Variants in SMC1B observed in about 807,000 individuals in gnomAD.
SMC1B encodes structural maintenance of chromosomes protein 1B.
SMC1B carries 60 observed loss-of-function variants against 157.9 expected under a neutral mutation model. The ratio of observed to expected loss-of-function variants is 0.38; its 90% CI spans 0.31 to 0.47. The LOEUF is 0.47. Among genes scored for constraint, SMC1B ranks in the 20% least tolerant of loss-of-function variants. The pLI is 0.99. For synonymous variants in SMC1B, 445 were observed against 483.0 expected (o/e 0.92, Z 1.03); for missense variants, 1,165 against 1,426.2 (o/e 0.82, Z 2.95).
chr22:45,389,970 G>T, intron 9 of SMC1B, 73 bp from the exon 10 acceptor site: 1 of 1,276,692 alleles, frequency 7.8e-7, no homozygotes, highest in Non-Finnish European at 1.1e-6. Flanking sequence ...ATTTTCTAAT[G>T]TAACAAAGTA....
chr22:45,413,470 G>T lies in SMC1B; in HGVS notation c.98C>A (p.Pro33His). The T allele has an allele frequency of 1.2e-6, 2 of 1,608,236 alleles. No homozygotes were observed. Among genetic ancestry groups the T allele is most frequent in the Non-Finnish European group, 1.7e-6 (2 of 1,177,426 alleles). Residue 33 changes from proline to histidine, a missense_variant, in exon 1 of 25, where the codon CCC becomes CAC. By Grantham distance (77) the Pro-to-His change is moderately conservative. Transcript: ENST00000357450. ...AGCTGCTCAGTTACCAGAGCCGTTG[G>T]GGCCGATGATGCAGGTGAACCTCCG... ...PFRRFTCIIGPNGSGKSNVMD... is the reference protein window; with the variant it reads ...PFRRFTCIIGHNGSGKSNVMD...
intron 5 of SMC1B, among the ~76,000 whole-genome samples, chr22:45,400,315 A>G (rs2087177911): frequency 6.6e-6 from 1 of 152,118 alleles, no homozygotes; most frequent in South Asian, 2.1e-4. Context: ...AGTAGAAGAT[A>G]CTTATCTTCT....
At chr22:45,390,907 T>A (rs1213988931) in intron 9 of SMC1B, among the ~76,000 whole-genome samples, 1 of 152,176 alleles carries the variant, frequency 6.6e-6, no homozygotes, top group Non-Finnish European at 1.5e-5. Context: ...GTTTGTTAGG[T>A]TCTACTTCAA....
chr22:45,353,371 C>G (rs927881047), intron 21 of SMC1B, among the ~76,000 whole-genome samples: 4 of 151,328 alleles, frequency 2.6e-5, no homozygotes, highest in African/African-American at 9.7e-5. Flanking sequence ...AATATCTGAT[C>G]CAGGATCACC....
intron 6 of SMC1B, 89 bp downstream of exon 6, chr22:45,399,006 T>C (rs1602091768): frequency 1.6e-6 from 2 of 1,280,450 alleles, no homozygotes; most frequent in Admixed American, 2.2e-5. Flanking sequence ...TCTTAAAATA[T>C]CAGAGAGGTC....
chr22:45,354,975 A>C lies in SMC1B; in HGVS notation c.3102T>G (p.Phe1034Leu), dbSNP rs764745394. The change falls in exon 20 of 25, where the codon TTT (phenylalanine) becomes TTG (leucine). Residue 1034 changes from phenylalanine (F) to leucine (L), a missense_variant. Coordinates refer to ENST00000357450, the MANE Select transcript of SMC1B (RefSeq NM_148674.5). ...LENLKTVRDK[F>L]QESTDAFEAS... ...CAATTTTACCATCTGTGGACTCTTG[A>C]AACTTGTCTCTGACAGTCTTTAAGT... 1 of 1,614,076 alleles carries C rather than the reference A, an allele frequency of 6.2e-7. No homozygotes were observed. The highest frequency in any genetic ancestry group is 1.3e-5 in the African/African-American group (1 of 74,928).
At chr22:45,408,460 A>T (rs1355654330) in intron 2 of SMC1B, among the ~76,000 whole-genome samples, 2 of 152,216 alleles carry the variant, frequency 1.3e-5, no homozygotes, top group African/African-American at 4.8e-5. Flanking sequence ...TCCAGATTTT[A>T]AAATGTTATT....
intron 8 of SMC1B, 107 bp downstream of exon 8, chr22:45,394,578 G>C: frequency 7.9e-7 from 1 of 1,259,068 alleles, no homozygotes; most frequent in South Asian, 2.1e-5. Context: ...TGAGGCTACC[G>C]TAAGCCATGA....
At chr22:45,393,026 G>C (rs1411159026) in intron 9 of SMC1B, among the ~76,000 whole-genome samples, 1 of 151,988 alleles carries the variant, frequency 6.6e-6, no homozygotes, top group East Asian at 1.9e-4. Flanking sequence ...CAGAGCAGTG[G>C]TTACCAGTCT....
At chr22:45,360,764 G>GA (rs1295579592) in intron 17 of SMC1B, among the ~76,000 whole-genome samples, 1 of 152,194 alleles carries the variant, frequency 6.6e-6, no homozygotes, top group Non-Finnish European at 1.5e-5. Context: ...GCTGTATCTT[G>GA]AAACACCGAA....
intron 15 of SMC1B, 74 bp downstream of exon 15, chr22:45,369,880 T>A: frequency 1.1e-6 from 1 of 887,826 alleles, no homozygotes; most frequent in African/African-American, 1.7e-5. Context: ...CAGGCATAAT[T>A]CCTCTAAATT....
rs915243857 is a variant in SMC1B, at chr22:45,361,249, A to G, written c.2708+590T>C. ...GAGGGAATCTCTGTACAACAGGAAG[A>G]CACCAATGTCAAGGTAGAATTAGGG... On this transcript the variant is annotated intron_variant, in intron 17 of 24. Coordinates refer to ENST00000357450, the MANE Select transcript of SMC1B (RefSeq NM_148674.5). 3.9e-5 allele frequency among the ~76,000 whole-genome samples: 6 copies of G among 152,316 alleles called. No individual in the cohort carries two copies. In the East Asian group the frequency reaches 7.7e-4, roughly 20 times the overall value.
chr22:45,401,172 T>C (rs1185722032), intron 5 of SMC1B, among the ~76,000 whole-genome samples: 5 of 152,216 alleles, frequency 3.3e-5, no homozygotes, highest in African/African-American at 4.8e-5. Context: ...AAGATATTAA[T>C]AATAGGAGAA....
At chr22:45,361,620 G>A (rs2086722550) in intron 17 of SMC1B, among the ~76,000 whole-genome samples, 1 of 152,128 alleles carries the variant, frequency 6.6e-6, no homozygotes, top group African/African-American at 2.4e-5. Flanking sequence ...GGGAGACTCC[G>A]TCTGAAGAAA....
chr22:45,388,693 T>C (rs1002096742), intron 10 of SMC1B, among the ~76,000 whole-genome samples: 2 of 151,832 alleles, frequency 1.3e-5, no homozygotes, highest in African/African-American at 2.4e-5. Context: ...AAATTAAGAA[T>C]AGGACAGGCG....
intron 17 of SMC1B, among the ~76,000 whole-genome samples, chr22:45,361,065 A>G (rs1433652806): frequency 6.6e-6 from 1 of 152,008 alleles, no homozygotes; most frequent in Non-Finnish European, 1.5e-5. Context: ...TAACATATGT[A>G]ATACTTACAA....
At chr22:45,393,932 G>C (rs981025449) in intron 8 of SMC1B, 91 bp from the exon 9 acceptor site, 16 of 805,858 alleles carry the variant, frequency 2.0e-5, no homozygotes, top group Admixed American at 1.1e-4. Flanking sequence ...CATTGCAGGG[G>C]AATAGAGCAG....
rs1339874249 is a variant in SMC1B, at chr22:45,344,670, G to C, written c.3607-13C>G. The C allele has an allele frequency of 6.3e-7, 1 of 1,595,778 alleles. No individual in the cohort carries two copies. Among genetic ancestry groups the C allele is most frequent in the Admixed American group, 1.7e-5 (1 of 59,920 alleles). Reference sequence around the variant, plus strand: ...TGCAGTCATCGTACTAAAATGGAGAGAAGACAGTTAAAAGTTCCCCTAATT... The same window carrying C: ...TGCAGTCATCGTACTAAAATGGAGACAAGACAGTTAAAAGTTCCCCTAATT... On this transcript the variant is annotated splice_polypyrimidine_tract_variant and intron_variant, in intron 24 of 24. Coordinates refer to ENST00000357450, the MANE Select transcript of SMC1B (RefSeq NM_148674.5).
rs550786361 is a variant in SMC1B at position 45,387,033 on chromosome 22, T to C, written c.1745A>G (p.Asn582Ser). Residue 582 changes from asparagine to serine, a missense_variant, in exon 11 of 25, where the codon AAT (asparagine) becomes AGT (serine). By Grantham distance (46) the Asn-to-Ser change is conservative. Coordinates refer to ENST00000357450, the MANE Select transcript of SMC1B (RefSeq NM_148674.5). ...GCCTTTAAGCTCCCTTAGTCTTTCA[T>C]TGATTGGCTTGATCTAAAGGGTTTT... Reference protein sequence around the residue: ...ALDYLDIKPINERLRELKGCK... With the variant: ...ALDYLDIKPISERLRELKGCK... The C allele has an allele frequency of 1.1e-5, 18 of 1,612,836 alleles. No homozygotes were observed. The highest frequency in any genetic ancestry group is 8.3e-5 in the Admixed American group (5 of 59,930).
Sources: allele counts gnomAD v4.1 joint callset (sites outside exome capture counted in the v4.1 genomes callset), GRCh38; gene constraint gnomAD v4.1.1; transcripts MANE v1.5; gene names NCBI Gene and HGNC (gene_info 2026-07-23, HGNC 2026-07-21).